MAPK10: variants seen among roughly 807,000 people sequenced by gnomAD.
The protein encoded by MAPK10 is JNK3 alpha protein kinase.
MAPK10 carries 25 observed loss-of-function variants against 59.3 expected under a neutral mutation model. The observed-to-expected ratio is 0.42, with a 90% confidence interval of 0.31 to 0.59. The LOEUF is 0.59. MAPK10 is among the 20% of genes least tolerant of loss of function. MAPK10 has a pLI of 0.15. For missense variants in MAPK10, 351 were observed against 568.9 expected, an observed-to-expected ratio of 0.62 and a Z score of 3.90; for synonymous variants, 190 against 200.5, an observed-to-expected ratio of 0.95 and a Z score of 0.44.
chr4:86,051,912 G>C (rs1327418998), intron 11 of MAPK10, among the ~76,000 whole-genome samples: 1 of 152,092 alleles, frequency 6.6e-6, no homozygotes, highest in Non-Finnish European at 1.5e-5. Context: ...CAAAGGAAGT[G>C]AGTGCTTCCG....
intron 3 of MAPK10, among the ~76,000 whole-genome samples, chr4:86,174,183 G>T (rs948076243): frequency 6.6e-6 from 1 of 152,088 alleles, no homozygotes; most frequent in African/African-American, 2.4e-5. Flanking sequence ...TATGTTTATT[G>T]CAGTATTATT....
chr4:86,058,100 G>A (rs3775181), intron 11 of MAPK10, among the ~76,000 whole-genome samples: 2 of 148,860 alleles, frequency 1.3e-5, no homozygotes, highest in Admixed American at 6.6e-5. Flanking sequence ...TACTTGCGAT[G>A]TCTTGGCAAG....
intron 1 of MAPK10, among the ~76,000 whole-genome samples, chr4:86,469,632 G>T (rs1752504828): frequency 6.6e-6 from 1 of 152,102 alleles, no homozygotes; most frequent in Admixed American, 6.5e-5. Context: ...CTCCTACTAT[G>T]GTTATTTATA....
chr4:86,254,949 A>G (rs2093638789), intron 2 of MAPK10, among the ~76,000 whole-genome samples: 1 of 152,186 alleles, frequency 6.6e-6, no homozygotes, highest in South Asian at 2.1e-4. Flanking sequence ...ATAAGCTAAC[A>G]TCCAAATGCA....
At chr4:86,572,547 G>A (rs556361104) in intron 1 of MAPK10, among the ~76,000 whole-genome samples, 97 of 152,258 alleles carry the variant, frequency 6.4e-4, no homozygotes, top group Admixed American at 6.5e-4. Flanking sequence ...ACTGGCAGAC[G>A]AATTTCATAG....
chr4:86,044,853 T>C (rs1472468083), intron 11 of MAPK10: 2 of 396,736 alleles, frequency 5.0e-6, no homozygotes, highest in Non-Finnish European at 8.9e-6. Flanking sequence ...AATGAAAGAT[T>C]TTCATCTACT....
chr4:86,269,444 C>T (rs1461812038), intron 2 of MAPK10, among the ~76,000 whole-genome samples: 1 of 152,124 alleles, frequency 6.6e-6, no homozygotes, highest in Admixed American at 6.6e-5. Context: ...CACCACACTC[C>T]TTAAGTTCTT....
intron 1 of MAPK10, among the ~76,000 whole-genome samples, chr4:86,547,717 T>C (rs1054898422): frequency 2.0e-5 from 3 of 152,172 alleles, no homozygotes; most frequent in African/African-American, 7.2e-5. Context: ...CTGAGTCTAG[T>C]GGGGATGTGG....
chr4:86,228,830 C>T (rs1378786194), intron 2 of MAPK10, among the ~76,000 whole-genome samples: 1 of 152,166 alleles, frequency 6.6e-6, no homozygotes, highest in African/African-American at 2.4e-5. Flanking sequence ...TGATTTCTCT[C>T]AGTCTAGCTT....
chr4:86,100,943 C>G lies in MAPK10; in HGVS notation c.730+109G>C, dbSNP rs531605431. ...AAACCCTGAATATGCTATCTGGCAG[C>G]CCTACTTTATAAAAGCATGTACATA... is the stretch of plus-strand genomic sequence containing the variant. On this transcript the variant is annotated intron_variant, in intron 8 of 13. Coordinates refer to ENST00000641462, the MANE Select transcript of MAPK10 (RefSeq NM_138982.4). 985 of 900,286 alleles carry G rather than the reference C, an allele frequency of 1.1e-3. 22 individuals carry two copies. The South Asian group carries it at 0.019, about 17-fold the overall frequency. The allele number at this position is 900,286 out of a possible 1,614,324, so 55.8% of individuals were successfully genotyped here.
rs766867795 is a variant in MAPK10 at position 86,064,330 on chromosome 4, G to A, written c.1046C>T (p.Ser349Leu). 6.2e-7 allele frequency: 1 copy of A among 1,614,134 alleles called. No individual in the cohort carries two copies. The highest frequency in any genetic ancestry group is 1.7e-5 in the Admixed American group (1 of 60,018). ...MLVIDPAKRI[S>L]VDDALQHPYI... is the part of the protein sequence containing the mutation. ...GGGATGCTGTAAGGCGTCGTCCACT[G>A]ATATTCTTTTTGCTGGGTCAATCAC... The change falls in exon 11 of 14, where the codon TCA (serine) becomes TTA (leucine). Residue 349 changes from serine to leucine, a missense_variant. Physicochemically the swap from Ser to Leu is moderately radical, Grantham distance 145. Around this residue, in one of 5 missense-constraint regions of MAPK10, gnomAD observed 155 missense variants for 204.2 expected, o/e 0.76. Coordinates refer to ENST00000641462, the MANE Select transcript of MAPK10 (RefSeq NM_138982.4).
chr4:86,590,713 G>A (rs921255103), intron 1 of MAPK10, among the ~76,000 whole-genome samples: 36 of 152,076 alleles, frequency 2.4e-4, no homozygotes, highest in African/African-American at 8.5e-4. Context: ...TTGAGCATAG[G>A]AGGTTGAGGC....
intron 1 of MAPK10, among the ~76,000 whole-genome samples, chr4:86,527,340 A>AAAAAAAAAAAAAAAAAAAAAAAG (rs1757540913): frequency 1.4e-5 from 2 of 146,740 alleles, no homozygotes; most frequent in East Asian, 2.0e-4. Context: ...AAAAAAAAAA[A>AAAAAAAAAAAAAAAAAAAAAAAG]GTAGGCAAAG....
intron 1 of MAPK10, among the ~76,000 whole-genome samples, chr4:86,367,660 T>G (rs982317518): frequency 2.6e-5 from 4 of 152,050 alleles, no homozygotes; most frequent in African/African-American, 9.7e-5. Flanking sequence ...TGTTTTTTTT[T>G]TTGTTTTGTT....
intron 1 of MAPK10, among the ~76,000 whole-genome samples, chr4:86,556,886 C>T (rs1022829571): frequency 2.0e-5 from 3 of 151,984 alleles, no homozygotes; most frequent in African/African-American, 7.2e-5. Context: ...CTAAGATGTC[C>T]TTACAATTCC....
At chr4:86,276,597 C>T (rs1403795891) in intron 2 of MAPK10, among the ~76,000 whole-genome samples, 2 of 152,140 alleles carry the variant, frequency 1.3e-5, no homozygotes, top group Admixed American at 6.6e-5. Flanking sequence ...ACCTTGACTC[C>T]TCTTTCTCCT....
At chr4:86,331,308 G>A (rs1019942271) in intron 2 of MAPK10, among the ~76,000 whole-genome samples, 2 of 152,178 alleles carry the variant, frequency 1.3e-5, no homozygotes, top group African/African-American at 4.8e-5. Flanking sequence ...GTAAACAACA[G>A]CTGAAGCAGG....
intron 9 of MAPK10, among the ~76,000 whole-genome samples, chr4:86,078,383 G>C (rs2049936059): frequency 6.6e-6 from 1 of 152,080 alleles, no homozygotes; most frequent in Non-Finnish European, 1.5e-5. Flanking sequence ...TTCCTGCAAA[G>C]GCCATGGGAA....
rs2148884967 is a variant in MAPK10, at chr4:86,014,212, A to T, written c.*3016T>A. ...CCAGGTAGAACCTTCACTTTTTTTC[A>T]GGAATATTGTCCAGGTGACTTGACA... On this transcript the variant is annotated 3_prime_UTR_variant, in exon 14 of 14. Coordinates refer to ENST00000641462, the MANE Select transcript of MAPK10 (RefSeq NM_138982.4). The T allele has an allele frequency of 6.6e-6, 1 of 152,114 alleles. No individual in the cohort carries two copies. Among genetic ancestry groups the T allele is most frequent in the African/African-American group, 2.4e-5 (1 of 41,492 alleles). 9.4% of individuals were successfully genotyped at this position (152,114 alleles called of 1,614,324 possible).
Sources: allele counts gnomAD v4.1 joint callset (sites outside exome capture counted in the v4.1 genomes callset), GRCh38; gene constraint gnomAD v4.1.1; regional missense constraint gnomAD v4.1.1; transcripts MANE v1.5; gene names NCBI Gene and HGNC (gene_info 2026-07-23, HGNC 2026-07-21).